The following PCDHA1 variants were observed in gnomAD, a reference collection of about 807,000 sequenced individuals.
PCDHA1 encodes the protein protocadherin alpha-1.
PCDHA1 carries 42 observed loss-of-function variants against 61.3 expected under a neutral mutation model. The observed-to-expected ratio is 0.69, with a 90% CI of 0.54 to 0.89. The LOEUF is 0.89. Ranked by LOEUF, PCDHA1 falls within the 40% of genes least tolerant of loss-of-function variation. The pLI is 0.00. For synonymous variants in PCDHA1, 610 were observed against 553.8 expected (o/e 1.10, Z -1.43); for missense variants, 1,256 against 1,235.3 (o/e 1.02, Z -0.25).
Position 141,010,126 on chromosome 5 carries a change from C to G in PCDHA1, c.*189C>G, listed in dbSNP as rs2098416139. ...TTTTGTCGTAAAAGCTTTACTAAGT[C>G]TGGTGTTAACTCTTTCTCTCCACTC... On this transcript the variant is annotated 3_prime_UTR_variant, in exon 4 of 4. Coordinates refer to ENST00000504120, the MANE Select transcript of PCDHA1 (RefSeq NM_018900.4). 1 of 1,602,246 alleles carries G rather than the reference C, an allele frequency of 6.2e-7. No homozygotes were observed. The highest frequency in any genetic ancestry group is 8.5e-7 in the Non-Finnish European group (1 of 1,173,654).
intron 3 of PCDHA1, among the ~76,000 whole-genome samples, chr5:140,989,984 C>T (rs907486922): frequency 3.3e-5 from 5 of 152,032 alleles, no homozygotes; most frequent in African/African-American, 1.2e-4. Context: ...ACAGCCCTGC[C>T]TGAAATTGTC....
intron 1 of PCDHA1, among the ~76,000 whole-genome samples, chr5:140,914,392 AC>A (rs1554196309): frequency 6.6e-6 from 1 of 151,928 alleles, no homozygotes; most frequent in Non-Finnish European, 1.5e-5. Flanking sequence ...AAGTGTAGTT[AC>A]CCCTGCTCCT....
chr5:140,850,235 G>C (rs2041450021), intron 1 of PCDHA1: 1 of 1,593,876 alleles, frequency 6.3e-7, no homozygotes, highest in African/African-American at 1.3e-5. Flanking sequence ...TGAGCGAGAT[G>C]GTGCTGCGGT....
chr5:140,823,804 G>T lies in PCDHA1; in HGVS notation c.2394+35120G>T, dbSNP rs2150129260. The stretch of plus-strand genomic sequence containing the variant: ...GGTGGAAAGTGGCCAGGCGCCGAAG[G>T]CCTCATCGCGGGCGTCGGCGGGCGC... On this transcript the variant is annotated intron_variant, in intron 1 of 3. Transcript: ENST00000504120. 5 of 1,613,812 alleles carry T rather than the reference G, an allele frequency of 3.1e-6. No individual in the cohort carries two copies. In the Admixed American group the frequency reaches 5.0e-5, roughly 16 times the overall value.
chr5:140,986,073 G>A (rs1428668406), intron 3 of PCDHA1, among the ~76,000 whole-genome samples: 1 of 152,176 alleles, frequency 6.6e-6, no homozygotes, highest in East Asian at 1.9e-4. Context: ...TAAAGAAACT[G>A]TTCATTTATT....
chr5:140,866,259 T>C (rs2049241676), intron 1 of PCDHA1: 1 of 152,166 alleles, frequency 6.6e-6, no homozygotes, highest in South Asian at 2.1e-4. Context: ...CCTTCTTTCT[T>C]TACTGTGAAT....
intron 3 of PCDHA1, among the ~76,000 whole-genome samples, chr5:141,005,308 T>TA (rs2098205734): frequency 6.6e-6 from 1 of 152,214 alleles, no homozygotes; most frequent in Non-Finnish European, 1.5e-5. Context: ...TTGTGAATCT[T>TA]ACAGTGGTAG....
chr5:140,854,644 T>C (rs1213707122), intron 1 of PCDHA1: 1 of 150,056 alleles, frequency 6.7e-6, no homozygotes, highest in African/African-American at 2.4e-5. Flanking sequence ...AAAACATCAT[T>C]AAATAAAATA....
At chr5:140,987,990 C>T (rs57614084) in intron 3 of PCDHA1, among the ~76,000 whole-genome samples, 1 of 152,190 alleles carries the variant, frequency 6.6e-6, no homozygotes, top group African/African-American at 2.4e-5. Context: ...GACTCCATCT[C>T]TGATCCTTCC....
At chr5:140,988,468 A>G (rs1184589294) in intron 3 of PCDHA1, among the ~76,000 whole-genome samples, 1 of 152,186 alleles carries the variant, frequency 6.6e-6, no homozygotes, top group African/African-American at 2.4e-5. Flanking sequence ...GGGTGTGGGA[A>G]GGGGAATTAG....
intron 1 of PCDHA1, chr5:140,860,800 C>A (rs1270356784): frequency 1.3e-5 from 2 of 152,198 alleles, no homozygotes; most frequent in Non-Finnish European, 2.9e-5. Context: ...TGCAGTGGCA[C>A]GATCTCGGCT....
At chr5:140,906,097 T>G (rs1396034135) in intron 1 of PCDHA1, among the ~76,000 whole-genome samples, 1 of 152,144 alleles carries the variant, frequency 6.6e-6, no homozygotes, top group Non-Finnish European at 1.5e-5. Context: ...AGAGTAAGTG[T>G]GTCTTTCCCA....
chr5:140,834,491 C>G (rs2150219703), intron 1 of PCDHA1: 164 of 1,614,076 alleles, frequency 1.0e-4, no homozygotes, highest in Non-Finnish European at 1.3e-4. Flanking sequence ...ACTCGGTCCC[C>G]GAGGAGGCTA....
At chr5:140,952,961 A>G (rs531904047) in intron 1 of PCDHA1, among the ~76,000 whole-genome samples, 1 of 152,158 alleles carries the variant, frequency 6.6e-6, no homozygotes, top group East Asian at 1.9e-4. Context: ...GGGAAGTGAT[A>G]CACACTTTTA....
chr5:140,928,146 A>G, intron 1 of PCDHA1: 1 of 1,614,222 alleles, frequency 6.2e-7, no homozygotes, highest in African/African-American at 1.3e-5. Flanking sequence ...TCACGGCCTC[A>G]GATAGTGGCT....
At chr5:140,967,627 C>G (rs1218869340) in intron 1 of PCDHA1, 16 of 1,614,040 alleles carry the variant, frequency 9.9e-6, no homozygotes, top group Non-Finnish European at 1.3e-5. Context: ...CGGATGAGGG[C>G]TCCAATGGTG....
At chr5:140,850,233 A>G in intron 1 of PCDHA1, 1 of 1,593,908 alleles carries the variant, frequency 6.3e-7, no homozygotes, top group Non-Finnish European at 8.6e-7. Context: ...AGTGAGCGAG[A>G]TGGTGCTGCG....
intron 1 of PCDHA1, chr5:140,868,455 A>C (rs2050469160): frequency 6.6e-6 from 1 of 152,444 alleles, no homozygotes; most frequent in Non-Finnish European, 1.5e-5. Flanking sequence ...TAAACACTAA[A>C]GAGCTGCTTT....
chr5:140,804,856 C>A (rs73791788), intron 1 of PCDHA1: 5,458 of 529,542 alleles, frequency 0.01, 270 homozygotes, highest in African/African-American at 0.095. Flanking sequence ...AGGTCTAACA[C>A]GTAAAATAGA....
Sources: allele counts gnomAD v4.1 joint callset (sites outside exome capture counted in the v4.1 genomes callset), GRCh38; gene constraint gnomAD v4.1.1; transcripts MANE v1.5; gene names NCBI Gene and HGNC (gene_info 2026-07-23, HGNC 2026-07-21).